Variants in JAK2 observed in about 807,000 individuals in gnomAD.
The protein encoded by JAK2 is Janus kinase 2, also known as tyrosine-protein kinase JAK2.
JAK2 carries 86 observed loss-of-function variants against 139.3 expected under a neutral mutation model. That is an observed-to-expected ratio of 0.62 (90% CI 0.52 to 0.74). The LOEUF is 0.74. Ranked by LOEUF, JAK2 falls within the 30% of genes least tolerant of loss-of-function variation. JAK2 has a pLI of 0.00. For synonymous variants in JAK2, 490 were observed against 437.7 expected (o/e 1.12, Z -1.49); for missense variants, 1,421 against 1,360.3 (o/e 1.04, Z -0.70).
chr9:5,036,408 C>A (rs918041321), intron 4 of JAK2, among the ~76,000 whole-genome samples: 1 of 152,094 alleles, frequency 6.6e-6, no homozygotes, highest in African/African-American at 2.4e-5. Flanking sequence ...AAAAAGAGCC[C>A]ACATTGCCAA....
At chr9:5,034,144 A>G (rs1322299962) in intron 4 of JAK2, among the ~76,000 whole-genome samples, 1 of 152,220 alleles carries the variant, frequency 6.6e-6, no homozygotes, top group Admixed American at 6.5e-5. Flanking sequence ...GAAACAAAGA[A>G]GGCCATTACA....
intron 2 of JAK2, among the ~76,000 whole-genome samples, chr9:4,993,661 C>T (rs1043875295): frequency 4.6e-5 from 7 of 152,204 alleles, no homozygotes; most frequent in African/African-American, 1.7e-4. Flanking sequence ...CTGACAGTCT[C>T]CTTGAGGGCT....
intron 3 of JAK2, among the ~76,000 whole-genome samples, chr9:5,023,758 A>T (rs1822589822): frequency 6.6e-6 from 1 of 152,092 alleles, no homozygotes; most frequent in Admixed American, 6.5e-5. Context: ...TCATGGTTTT[A>T]GTTTTTAGTG....
intron 14 of JAK2, among the ~76,000 whole-genome samples, chr9:5,074,490 G>C (rs1819179633): frequency 6.6e-6 from 1 of 152,046 alleles, no homozygotes; most frequent in Non-Finnish European, 1.5e-5. Flanking sequence ...GGTGATCTGT[G>C]ATCAGTAATC....
Position 5,126,845 on chromosome 9 carries a change from A to G in JAK2, c.*54A>G. ...GTAGATTTACAGAACAAAGTTTTATATTTCACATTGCTGTGGACTATTATT... is the reference window on the plus strand; with the variant it reads ...GTAGATTTACAGAACAAAGTTTTATGTTTCACATTGCTGTGGACTATTATT... On this transcript the variant is annotated 3_prime_UTR_variant, in exon 25 of 25. Coordinates refer to ENST00000381652, the MANE Select transcript of JAK2 (RefSeq NM_004972.4). 9.5e-7 allele frequency: 1 copy of G among 1,048,290 alleles called. No homozygotes were observed. Among genetic ancestry groups the G allele is most frequent in the South Asian group, 1.3e-5 (1 of 74,548 alleles). 64.9% of individuals were successfully genotyped at this position (1,048,290 alleles called of 1,614,324 possible).
At position 5,032,241 on chromosome 9, in the gene JAK2, A is replaced by G. The variant is rs1823214413; in HGVS notation, c.350+2335A>G. ...TGCCGAGGGTTGAGTAGGTAAACAA[A>G]GCAGCCAGGAAGCTCAAACTGGGTG... On this transcript the variant is annotated intron_variant, in intron 4 of 24. Transcript: ENST00000381652. Among the ~76,000 whole-genome samples the G allele has an allele frequency of 3.3e-5, 5 of 152,346 alleles. 1 individual carries two copies. In the South Asian group the frequency reaches 1.0e-3, roughly 32 times the overall value.
chr9:5,035,225 A>T (rs187599692), intron 4 of JAK2, among the ~76,000 whole-genome samples: 2 of 152,350 alleles, frequency 1.3e-5, no homozygotes, highest in Admixed American at 1.3e-4. Context: ...AGGCTCTGAA[A>T]TTGAGGCAAT....
chr9:5,001,409 T>A (rs1820920363), intron 2 of JAK2, among the ~76,000 whole-genome samples: 1 of 152,178 alleles, frequency 6.6e-6, no homozygotes. Flanking sequence ...GGTGTTGACT[T>A]TTGTCAAATG....
intron 2 of JAK2, among the ~76,000 whole-genome samples, chr9:4,996,349 G>A (rs1310792964): frequency 6.6e-6 from 1 of 152,186 alleles, no homozygotes; most frequent in Non-Finnish European, 1.5e-5. Context: ...TTGGGAGGCT[G>A]AGACAGGAGA....
chr9:5,012,387 G>GT, intron 2 of JAK2, among the ~76,000 whole-genome samples: 1 of 152,134 alleles, frequency 6.6e-6, no homozygotes, highest in East Asian at 1.9e-4. Flanking sequence ...TTTTTAAAAA[G>GT]TTTATAATTG....
intron 10 of JAK2, 63 bp from the exon 11 acceptor site, chr9:5,068,959 G>A (rs752879003): frequency 2.2e-6 from 2 of 930,064 alleles, no homozygotes; most frequent in Non-Finnish European, 3.2e-6. Context: ...CATTTTGTCA[G>A]AATAATCACT....
chr9:5,004,044 G>T (rs1821104537), intron 2 of JAK2, among the ~76,000 whole-genome samples: 1 of 152,024 alleles, frequency 6.6e-6, no homozygotes, highest in Admixed American at 6.5e-5. Flanking sequence ...TATATATGGT[G>T]TACAACATGA....
At chr9:5,076,506 T>C (rs1819317626) in intron 14 of JAK2, among the ~76,000 whole-genome samples, 1 of 152,162 alleles carries the variant, frequency 6.6e-6, no homozygotes, top group African/African-American at 2.4e-5. Flanking sequence ...CAATAAAGTA[T>C]TTTTAAAAAG....
At chr9:5,042,952 TC>T (rs1442752893) in intron 4 of JAK2, among the ~76,000 whole-genome samples, 1 of 152,174 alleles carries the variant, frequency 6.6e-6, no homozygotes, top group Non-Finnish European at 1.5e-5. Flanking sequence ...AGGCACCTGT[TC>T]CCCGAGGCTG....
At chr9:5,052,743 G>A (rs1817509365) in intron 6 of JAK2, among the ~76,000 whole-genome samples, 1 of 152,044 alleles carries the variant, frequency 6.6e-6, no homozygotes, top group Non-Finnish European at 1.5e-5. Flanking sequence ...CATGCAAAAT[G>A]TGGTGTGGCA....
intron 4 of JAK2, chr9:5,041,359 C>A: frequency 1.6e-6 from 1 of 629,108 alleles, no homozygotes; most frequent in East Asian, 2.9e-5. Context: ...GCTACATGAG[C>A]ATCAACATGC....
chr9:5,100,148 T>G (rs1821354847), intron 22 of JAK2: 1 of 152,234 alleles, frequency 6.6e-6, no homozygotes. Context: ...ATTCTAATCC[T>G]ACTGACTATT....
chr9:5,032,485 G>C (rs1055518268), intron 4 of JAK2, among the ~76,000 whole-genome samples: 9 of 152,210 alleles, frequency 5.9e-5, no homozygotes, highest in Admixed American at 3.9e-4. Flanking sequence ...GCCTAACTGG[G>C]AGGCACCCCC....
chr9:4,990,244 C>G (rs1045776479), intron 2 of JAK2, among the ~76,000 whole-genome samples: 3 of 152,116 alleles, frequency 2.0e-5, no homozygotes, highest in Admixed American at 6.5e-5. Flanking sequence ...CTTAGAACAT[C>G]TAAGTCTATA....
Sources: allele counts gnomAD v4.1 joint callset (sites outside exome capture counted in the v4.1 genomes callset), GRCh38; gene constraint gnomAD v4.1.1; transcripts MANE v1.5; gene names NCBI Gene and HGNC (gene_info 2026-07-23, HGNC 2026-07-21).